NFATC2: variants seen among roughly 807,000 people sequenced by gnomAD.
NFATC2 encodes nuclear factor of activated T cells 2, also known as nuclear factor of activated T-cells, cytoplasmic 2.
In NFATC2, 22 loss-of-function variants were observed where a neutral mutation model predicts 87.3. The ratio of observed to expected loss-of-function variants is 0.25; its 90% CI spans 0.18 to 0.36. NFATC2 has a LOEUF of 0.36. NFATC2 is among the 10% of genes least tolerant of loss of function. The pLI is 1.00. For synonymous variants in NFATC2, 565 were observed against 542.2 expected (o/e 1.04, Z -0.58); for missense variants, 1,149 against 1,259.1 (o/e 0.91, Z 1.32).
chr20:51,413,408 G>A (rs1979572311), intron 9 of NFATC2, among the ~76,000 whole-genome samples: 1 of 152,142 alleles, frequency 6.6e-6, no homozygotes, highest in Non-Finnish European at 1.5e-5. Context: ...GCAGATGCTA[G>A]AGGTTTTTAT....
chr20:51,487,727 G>A (rs1255796237), intron 3 of NFATC2, among the ~76,000 whole-genome samples: 3 of 152,030 alleles, frequency 2.0e-5, no homozygotes, highest in East Asian at 3.9e-4. Context: ...CCAATCGAAT[G>A]ACACCTCCGC....
At chr20:51,481,169 C>T (rs1342284733) in intron 3 of NFATC2, among the ~76,000 whole-genome samples, 4 of 152,180 alleles carry the variant, frequency 2.6e-5, no homozygotes, top group Non-Finnish European at 4.4e-5. Context: ...TCGCCAGGTC[C>T]CTGGAGGTTT....
intron 9 of NFATC2, among the ~76,000 whole-genome samples, chr20:51,406,863 T>G (rs890320891): frequency 6.6e-6 from 1 of 152,196 alleles, no homozygotes; most frequent in Non-Finnish European, 1.5e-5. Context: ...AGCAGAAGCC[T>G]GGGTGTTATG....
At chr20:51,394,377 GTCTGTCCCCCCTCAGC>G (rs1986746436) in intron 10 of NFATC2, among the ~76,000 whole-genome samples, 1 of 99,638 alleles carries the variant, frequency 1.0e-5, no homozygotes, top group South Asian at 2.9e-4. Context: ...CCTGGTCTCT[GTCTGTCCCCCCTCAGC>G]ACTGTTCCCT....
intron 1 of NFATC2, among the ~76,000 whole-genome samples, chr20:51,531,656 G>A (rs1477322426): frequency 6.6e-6 from 1 of 152,184 alleles, no homozygotes; most frequent in East Asian, 1.9e-4. Flanking sequence ...TGTGTGACAC[G>A]GGGTGATGAC....
At chr20:51,530,292 G>C (rs762409529) in intron 1 of NFATC2, among the ~76,000 whole-genome samples, 3 of 152,096 alleles carry the variant, frequency 2.0e-5, no homozygotes, top group Non-Finnish European at 4.4e-5. Flanking sequence ...TCAGCCTCCT[G>C]AGTAGCTGGG....
At chr20:51,408,127 G>A (rs1210534110) in intron 9 of NFATC2, among the ~76,000 whole-genome samples, 1 of 152,170 alleles carries the variant, frequency 6.6e-6, no homozygotes, top group Non-Finnish European at 1.5e-5. Flanking sequence ...TGGCAGGGTC[G>A]GTGGCTGGGA....
intron 3 of NFATC2, among the ~76,000 whole-genome samples, chr20:51,499,511 C>T (rs1229088300): frequency 6.6e-6 from 1 of 151,976 alleles, no homozygotes; most frequent in African/African-American, 2.4e-5. Context: ...CCAGCATTTT[C>T]GGAAGCCAAG....
chr20:51,516,062 C>T (rs2076346038), intron 3 of NFATC2, among the ~76,000 whole-genome samples: 1 of 151,540 alleles, frequency 6.6e-6, no homozygotes, highest in South Asian at 2.1e-4. Context: ...CCTGGTTAAC[C>T]AGATTATACA....
At chr20:51,482,229 C>A (rs1989323738) in intron 3 of NFATC2, among the ~76,000 whole-genome samples, 1 of 151,786 alleles carries the variant, frequency 6.6e-6, no homozygotes, top group South Asian at 2.1e-4. Context: ...GTGTCAAAGA[C>A]CCTCAGCGTC....
chr20:51,393,901 C>T (rs1986674290), intron 10 of NFATC2, among the ~76,000 whole-genome samples: 1 of 152,152 alleles, frequency 6.6e-6, no homozygotes, highest in Admixed American at 6.5e-5. Flanking sequence ...AGGGCTGGGG[C>T]AGGGGATGGG....
chr20:51,477,208 C>A (rs1988789703), intron 3 of NFATC2, among the ~76,000 whole-genome samples: 1 of 152,036 alleles, frequency 6.6e-6, no homozygotes, highest in African/African-American at 2.4e-5. Context: ...AGGTAGAAGC[C>A]TATGAACCGA....
intron 3 of NFATC2, among the ~76,000 whole-genome samples, chr20:51,502,955 G>C (rs1454676166): frequency 6.6e-6 from 1 of 152,162 alleles, no homozygotes; most frequent in Non-Finnish European, 1.5e-5. Flanking sequence ...AAATGCAATG[G>C]CTTCCTAAGT....
intron 1 of NFATC2, among the ~76,000 whole-genome samples, chr20:51,528,068 A>C (rs905298980): frequency 6.8e-6 from 1 of 147,486 alleles, no homozygotes; most frequent in African/African-American, 2.6e-5. Context: ...CTTGGGTGAC[A>C]GGATGAGAAC....
At chr20:51,517,012 T>C in intron 2 of NFATC2, 57 bp from the exon 3 acceptor site, 4 of 1,527,662 alleles carry the variant, frequency 2.6e-6, no homozygotes, top group African/African-American at 2.7e-5. Context: ...AGTCAACTTG[T>C]ACAATAATTG....
intron 10 of NFATC2, among the ~76,000 whole-genome samples, chr20:51,396,038 G>GTATATATATATATATATATA (rs1161908517): frequency 4.7e-5 from 1 of 21,316 alleles, no homozygotes; most frequent in Non-Finnish European, 8.6e-5. Context: ...CTCCTAGTAT[G>GTATATATATATATATATATA]TATATATATA....
chr20:51,462,239 A>G (rs1987233556), intron 5 of NFATC2, among the ~76,000 whole-genome samples: 1 of 150,788 alleles, frequency 6.6e-6, no homozygotes, highest in Admixed American at 6.7e-5. Context: ...GTTTGAGACC[A>G]GCCTGGCCAA....
intron 9 of NFATC2, among the ~76,000 whole-genome samples, chr20:51,408,116 G>A (rs1369091915): frequency 1.3e-5 from 2 of 152,192 alleles, no homozygotes; most frequent in Non-Finnish European, 2.9e-5. Flanking sequence ...TCCCACCCAT[G>A]TGGCAGGGTC....
chr20:51,489,026 C>A (rs2075834960), intron 3 of NFATC2, among the ~76,000 whole-genome samples: 1 of 152,184 alleles, frequency 6.6e-6, no homozygotes. Context: ...CCCGTCTCTA[C>A]TAAACATACA....
Sources: gnomAD v4.1 joint callset for allele counts (sites outside exome capture counted in the v4.1 genomes callset) on GRCh38, gnomAD v4.1.1 for gene constraint, MANE v1.5 for transcripts, NCBI Gene and HGNC (gene_info 2026-07-23, HGNC 2026-07-21) for gene names.